Variants in HTT observed in about 807,000 individuals in gnomAD.
HTT encodes the protein huntingtin, also known as huntington disease protein.
In HTT, 104 loss-of-function variants were observed where a neutral mutation model predicts 362.3. The ratio of observed to expected loss-of-function variants is 0.29; its 90% CI spans 0.24 to 0.34. The LOEUF (loss-of-function observed/expected upper bound fraction) is 0.34, where lower values mean the gene tolerates loss of function less well. Among genes scored for constraint, HTT ranks in the 10% least tolerant of loss-of-function variants. The pLI is 1.00. For synonymous variants in HTT, 1,577 were observed against 1,548.7 expected (o/e 1.02, Z -0.43); for missense variants, 3,301 against 3,928.6 (o/e 0.84, Z 4.27).
Position 3,229,072 on chromosome 4 carries a change from A to C in HTT, c.8109+63A>C, listed in dbSNP as rs1434872491. 76 of 1,487,604 alleles carry C rather than the reference A, an allele frequency of 5.1e-5. No individual in the cohort carries two copies. The Middle Eastern group carries it at 5.6e-4, about 11-fold the overall frequency. The allele number at this position is 1,487,604 out of a possible 1,614,324, so 92.2% of individuals were successfully genotyped here. On this transcript the variant is annotated intron_variant, in intron 59 of 66. Transcript: ENST00000355072. Reference sequence around the variant, plus strand: ...GCCACACGCACCACACACGCCACACACCCCACACACACACACCGCCCACAC... The same window carrying C: ...GCCACACGCACCACACACGCCACACCCCCCACACACACACACCGCCCACAC...
Position 3,228,579 on chromosome 4 carries a change from G to T in HTT, c.7849-36G>T, listed in dbSNP as rs41264741. The T allele has an allele frequency of 1.1e-3, 1,656 of 1,518,064 alleles. 15 individuals carry two copies. The African/African-American group carries it at 0.021, about 19-fold the overall frequency. 94.0% of individuals were successfully genotyped at this position (1,518,064 alleles called of 1,614,324 possible). A position where few individuals can be genotyped will look rare whatever the true frequency, so the allele number is the denominator to read the frequency against. ...CACCCACCAGGAGCCTGGCACTGTG[G>T]CCGCAGCACTGAGCAGTGCCCCGTT... is the stretch of plus-strand genomic sequence containing the variant. On this transcript the variant is annotated intron_variant, in intron 57 of 66. Transcript: ENST00000355072. The surrounding 1 kb of genome is among the most constrained non-coding windows in gnomAD (Gnocchi z 4.3).
intron 29 of HTT, among the ~76,000 whole-genome samples, chr4:3,168,766 T>C (rs1378624878): frequency 6.6e-6 from 1 of 152,174 alleles, no homozygotes; most frequent in Admixed American, 6.5e-5. Context: ...TGGTCCCAGC[T>C]ACTCGGGGCT....
In HTT at chr4:3,180,723, G is replaced by A. The variant is rs1718474348; in HGVS notation, c.4749+72G>A. 6 of 1,349,252 alleles carry A rather than the reference G, an allele frequency of 4.4e-6. No individual in the cohort carries two copies. In the Admixed American group the frequency reaches 1.1e-4, roughly 25 times the overall value. The allele number at this position is 1,349,252 out of a possible 1,614,324, so 83.6% of individuals were successfully genotyped here. A position where few individuals can be genotyped will look rare whatever the true frequency, so the allele number is the denominator to read the frequency against. On this transcript the variant is annotated intron_variant, in intron 36 of 66. Transcript: ENST00000355072. ...GTGCAGATGGAAGGAAGTGCCATGT[G>A]GTAACGCTCACTGTTAACTGTGTTA...
Position 3,116,237 on chromosome 4 carries a change from T to C in HTT, c.1042T>C (p.Ser348Pro). Residue 348 changes from serine to proline, a missense_variant, in exon 8 of 67, where the codon TCT becomes CCT. Ser to Pro is a moderately conservative substitution (Grantham distance 74). Transcript: ENST00000355072. The stretch of plus-strand genomic sequence containing the variant: ...AGTGACAAGGAAAGAAATGGAAGTC[T>C]CTCCTTCTGCAGAGCAGCTTGTCCA... ...FGVTRKEMEV[S>P]PSAEQLVQVY... is the part of the protein sequence containing the mutation. The C allele has an allele frequency of 6.2e-7, 1 of 1,612,924 alleles. No individual in the cohort carries two copies. The highest frequency in any genetic ancestry group is 8.5e-7 in the Non-Finnish European group (1 of 1,178,984).
intron 46 of HTT, 64 bp from the exon 47 acceptor site, chr4:3,209,763 A>T: frequency 6.3e-7 from 1 of 1,594,490 alleles, no homozygotes; most frequent in Non-Finnish European, 8.6e-7. Context: ...CTGTAGCTCC[A>T]GGGATGTGAA....
intron 35 of HTT, among the ~76,000 whole-genome samples, chr4:3,179,755 C>T (rs1371662496): frequency 1.5e-5 from 2 of 133,624 alleles, no homozygotes; most frequent in East Asian, 4.5e-4. Context: ...TCTGTGTGTG[C>T]TCATTTGTGA....
chr4:3,181,251 C>G (rs1447240351), intron 36 of HTT, among the ~76,000 whole-genome samples: 1 of 152,124 alleles, frequency 6.6e-6, no homozygotes, highest in Non-Finnish European at 1.5e-5. Context: ...GTCACGAGAT[C>G]GTTCAAGATA....
At position 3,174,949 on chromosome 4, in the gene HTT, G is replaced by A. The variant is rs1718168767; in HGVS notation, c.4249G>A (p.Ala1417Thr). 4 of 1,587,904 alleles carry A rather than the reference G, an allele frequency of 2.5e-6. No homozygotes were observed. The highest frequency in any genetic ancestry group is 1.4e-5 in the African/African-American group (1 of 74,022). Residue 1417 changes from alanine to threonine, a missense_variant, in exon 33 of 67, where the codon GCT (alanine) becomes ACT (threonine). Coordinates refer to ENST00000355072, the MANE Select transcript of HTT (RefSeq NM_001388492.1). ...SVTKNRADKN[A>T]IHNHIRLFEP... ...TTTCTTTTTTTCTTTTTTATAGAAT[G>A]CTATTCATAATCACATTCGTTTGTT...
chr4:3,088,343 C>T (rs1296393642), intron 2 of HTT, among the ~76,000 whole-genome samples: 2 of 151,904 alleles, frequency 1.3e-5, no homozygotes, highest in African/African-American at 4.8e-5. Flanking sequence ...CTCGCCACCA[C>T]ACCCGGCTAA....
chr4:3,163,362 A>T (rs1254715551), intron 29 of HTT, among the ~76,000 whole-genome samples: 1 of 152,186 alleles, frequency 6.6e-6, no homozygotes, highest in Non-Finnish European at 1.5e-5. Flanking sequence ...ATCGATGTTC[A>T]TCAGGGATAT....
intron 16 of HTT, among the ~76,000 whole-genome samples, 193 bp from the exon 17 acceptor site, chr4:3,132,369 G>A (rs980767953): frequency 1.3e-5 from 2 of 151,908 alleles, no homozygotes; most frequent in Non-Finnish European, 2.9e-5. Context: ...TTGGCAATAT[G>A]ATGAATCTCT....
Position 3,131,386 on chromosome 4 carries a change from G to T in HTT, c.2087G>T (p.Gly696Val). 1 of 1,612,808 alleles carries T rather than the reference G, an allele frequency of 6.2e-7. No individual in the cohort carries two copies. Reference protein sequence around the residue: ...RLLSASFLLTGGKNVLVPDRD... With the variant: ...RLLSASFLLTVGKNVLVPDRD... ...TTATCTGCTTCGTTTTTGCTAACAG[G>T]GGGAAAAAATGGTGAGTACAAAAGG... Residue 696 changes from glycine (G) to valine (V), a missense_variant, in exon 15 of 67, where the codon GGG becomes GTG. This residue lies in a region of HTT where 2,316 missense variants were observed against 2,658.5 expected (regional missense o/e 0.87). Transcript: ENST00000355072.
chr4:3,131,808 A>G (rs540815730), intron 16 of HTT, 33 bp downstream of exon 16: 1 of 1,586,092 alleles, frequency 6.3e-7, no homozygotes, highest in Non-Finnish European at 8.6e-7. Context: ...ATTTTCTCAG[A>G]TTTAATCATT....
intron 6 of HTT, among the ~76,000 whole-genome samples, chr4:3,113,339 T>G (rs972348505): frequency 1.3e-5 from 2 of 152,158 alleles, no homozygotes; most frequent in Non-Finnish European, 2.9e-5. Context: ...TGATTTTTTT[T>G]TTTTCTTTGA....
At chr4:3,097,422 A>C (rs1319236422) in intron 2 of HTT, among the ~76,000 whole-genome samples, 1 of 152,160 alleles carries the variant, frequency 6.6e-6, no homozygotes, top group Non-Finnish European at 1.5e-5. Context: ...ACCTGAGGTC[A>C]GGAGTTTGGG....
Position 3,146,853 on chromosome 4 carries a change from C to A in HTT, c.3200C>A (p.Ala1067Asp), listed in dbSNP as rs1716627662. ...AGGAAGAGCTGTACCGTTGGGATGG[C>A]CACAATGATTCTGACCCTGCTCTCG... ...ESRKSCTVGMATMILTLLSSA... is the reference protein window; with the variant it reads ...ESRKSCTVGMDTMILTLLSSA... Residue 1067 changes from alanine (A) to aspartate (D), a missense_variant, in exon 25 of 67, where the codon GCC becomes GAC. This residue lies in a region of HTT where 2,316 missense variants were observed against 2,658.5 expected (regional missense o/e 0.87). Transcript: ENST00000355072. 4 of 1,613,758 alleles carry A rather than the reference C, an allele frequency of 2.5e-6. No individual in the cohort carries two copies. Among genetic ancestry groups the A allele is most frequent in the Admixed American group, 3.3e-5 (2 of 60,008 alleles).
chr4:3,239,085 T>G, intron 66 of HTT, 107 bp downstream of exon 66: 1 of 1,190,234 alleles, frequency 8.4e-7, no homozygotes, highest in Non-Finnish European at 1.2e-6. Context: ...ACCCCACAGA[T>G]GCCAGGGTGA....
At chr4:3,076,767 G>A (rs556932114) in intron 1 of HTT, among the ~76,000 whole-genome samples, 1 of 152,234 alleles carries the variant, frequency 6.6e-6, no homozygotes, top group Admixed American at 6.5e-5. Flanking sequence ...TGATTTGACA[G>A]AACCTGCATT....
At chr4:3,212,244 A>G in intron 48 of HTT, 102 bp downstream of exon 48, 4 of 920,690 alleles carry the variant, frequency 4.3e-6, no homozygotes, top group Non-Finnish European at 6.5e-6. Context: ...GATCTAATAC[A>G]TTGAAAGCGT....
Sources: gnomAD v4.1 joint callset for allele counts (sites outside exome capture counted in the v4.1 genomes callset) on GRCh38, gnomAD v4.1.1 for gene constraint, gnomAD v4.1.1 regional missense constraint, Gnocchi (gnomAD v3.1) non-coding constraint, MANE v1.5 for transcripts, NCBI Gene and HGNC (gene_info 2026-07-23, HGNC 2026-07-21) for gene names.